PCDH15: variants seen among roughly 807,000 people sequenced by gnomAD.
The protein encoded by PCDH15 is protocadherin related 15.
Under a neutral mutation model 178.5 loss-of-function variants are expected in PCDH15, and 129 were observed. That is an observed-to-expected ratio of 0.72 (90% CI 0.63 to 0.84). The LOEUF (loss-of-function observed/expected upper bound fraction) is 0.84. Among genes scored for constraint, PCDH15 ranks in the 40% least tolerant of loss-of-function variants. The probability of loss-of-function intolerance (pLI) is 0.00; values close to 1 mark genes in which losing one functional copy is unlikely to be tolerated. For synonymous variants in PCDH15, 800 were observed against 732.0 expected (o/e 1.09, Z -1.50); for missense variants, 2,230 against 2,099.9 (o/e 1.06, Z -1.21).
intron 2 of PCDH15, among the ~76,000 whole-genome samples, chr10:54,598,450 A>T (rs1191898048): frequency 6.6e-6 from 1 of 152,180 alleles, no homozygotes; most frequent in Non-Finnish European, 1.5e-5. Flanking sequence ...CTCTTTACAA[A>T]TTAGGTATTG....
intron 15 of PCDH15, among the ~76,000 whole-genome samples, chr10:54,121,707 A>T (rs2095222416): frequency 6.6e-6 from 1 of 152,168 alleles, no homozygotes; most frequent in Non-Finnish European, 1.5e-5. Flanking sequence ...ATCTAGAGGA[A>T]ATGGAAAAAT....
intron 1 of PCDH15, among the ~76,000 whole-genome samples, chr10:54,688,094 A>C (rs1341948871): frequency 6.6e-6 from 1 of 152,164 alleles, no homozygotes; most frequent in Non-Finnish European, 1.5e-5. Flanking sequence ...ATTAAAAATT[A>C]TTAATTATAA....
At chr10:53,808,053 C>CATTT (rs1162918718) in intron 37 of PCDH15, 1 of 151,064 alleles carries the variant, frequency 6.6e-6, no homozygotes, top group African/African-American at 2.5e-5. Context: ...ATGCCTGTTA[C>CATTT]ATTTATTTTT....
intron 8 of PCDH15, among the ~76,000 whole-genome samples, chr10:54,242,687 A>G (rs1247799190): frequency 6.6e-6 from 1 of 152,180 alleles, no homozygotes; most frequent in Non-Finnish European, 1.5e-5. Context: ...TAATAGAAGC[A>G]TTGTTAAAAT....
At chr10:54,493,504 T>A (rs547360323) in intron 3 of PCDH15, among the ~76,000 whole-genome samples, 1 of 152,210 alleles carries the variant, frequency 6.6e-6, no homozygotes, top group South Asian at 2.1e-4. Flanking sequence ...GCTCTTTGAT[T>A]GTGAACTTTA....
At chr10:53,934,645 G>A (rs1331421812) in intron 25 of PCDH15, among the ~76,000 whole-genome samples, 2 of 151,770 alleles carry the variant, frequency 1.3e-5, no homozygotes, top group Non-Finnish European at 2.9e-5. Context: ...AATGAGACGT[G>A]TGACACATGA....
chr10:53,990,653 G>A (rs1468575466), intron 21 of PCDH15, among the ~76,000 whole-genome samples: 1 of 151,882 alleles, frequency 6.6e-6, no homozygotes, highest in African/African-American at 2.4e-5. Flanking sequence ...GTGACAACAT[G>A]CTGGTGGCCC....
intron 18 of PCDH15, among the ~76,000 whole-genome samples, chr10:54,027,516 C>T (rs1162600650): frequency 6.6e-6 from 1 of 150,880 alleles, no homozygotes; most frequent in Non-Finnish European, 1.5e-5. Flanking sequence ...AAGCTGGAGG[C>T]ATCACACTAC....
chr10:54,225,639 A>G (rs2053350199), intron 9 of PCDH15, among the ~76,000 whole-genome samples: 1 of 152,184 alleles, frequency 6.6e-6, no homozygotes, highest in Non-Finnish European at 1.5e-5. Context: ...ACAAAATTTT[A>G]TCTATTGTGT....
chr10:54,263,556 T>C (rs1204831606), intron 8 of PCDH15, among the ~76,000 whole-genome samples: 1 of 152,084 alleles, frequency 6.6e-6, no homozygotes, highest in Non-Finnish European at 1.5e-5. Context: ...AGATTGAAGT[T>C]TGAATTATAG....
chr10:55,286,932 CT>C (rs947545947), intron 1 of PCDH15, among the ~76,000 whole-genome samples: 1 of 151,898 alleles, frequency 6.6e-6, no homozygotes, highest in Non-Finnish European at 1.5e-5. Context: ...TTTCAATTTT[CT>C]TTTAAACTCT....
chr10:55,240,254 A>G (rs970464419), intron 1 of PCDH15, among the ~76,000 whole-genome samples: 3 of 152,176 alleles, frequency 2.0e-5, no homozygotes, highest in African/African-American at 7.2e-5. Context: ...TTTAGTCAAT[A>G]TTACAAATTT....
intron 1 of PCDH15, among the ~76,000 whole-genome samples, chr10:55,203,197 A>G (rs997809796): frequency 5.3e-5 from 8 of 151,998 alleles, no homozygotes; most frequent in African/African-American, 1.9e-4. Context: ...TTTCAAAGGG[A>G]TGAGTGTCAG....
At chr10:54,169,441 T>C (rs1254078770) in intron 13 of PCDH15, among the ~76,000 whole-genome samples, 1 of 137,554 alleles carries the variant, frequency 7.3e-6, no homozygotes, top group East Asian at 2.0e-4. Context: ...ACTCCCCAAC[T>C]CTGTTGCCAA....
chr10:55,542,236 T>C (rs1381169765), intron 2 of PCDH15, among the ~76,000 whole-genome samples: 1 of 151,382 alleles, frequency 6.6e-6, no homozygotes, highest in Admixed American at 6.6e-5. Context: ...GTGTACAGTA[T>C]ATGCCTGTAT....
chr10:55,556,816 GGGAGA>G (rs1240668197), intron 2 of PCDH15, among the ~76,000 whole-genome samples: 4 of 152,084 alleles, frequency 2.6e-5, no homozygotes, highest in Non-Finnish European at 5.9e-5. Flanking sequence ...ACTCTATCGT[GGGAGA>G]CTGTGTCTCA....
intron 1 of PCDH15, among the ~76,000 whole-genome samples, chr10:55,317,487 T>C (rs11004803): frequency 0.23 from 34,579 of 151,852 alleles, 4,916 homozygotes; most frequent in Admixed American, 0.33. Context: ...TGTTTTTTTT[T>C]TCTCTATTCT....
At chr10:53,958,795 C>T (rs946123456) in intron 23 of PCDH15, among the ~76,000 whole-genome samples, 15 of 151,646 alleles carry the variant, frequency 9.9e-5, no homozygotes, top group Admixed American at 3.3e-4. Flanking sequence ...CTGGCTAATG[C>T]AGTGAAACCC....
chr10:55,324,649 T>C (rs1179570149), intron 2 of PCDH15, among the ~76,000 whole-genome samples: 1 of 152,124 alleles, frequency 6.6e-6, no homozygotes, highest in Non-Finnish European at 1.5e-5. Context: ...AACACACCAC[T>C]GAGAGTATTA....
Sources: gnomAD v4.1 joint callset for allele counts (sites outside exome capture counted in the v4.1 genomes callset) on GRCh38, gnomAD v4.1.1 for gene constraint, MANE v1.5 for transcripts, NCBI Gene and HGNC (gene_info 2026-07-23, HGNC 2026-07-21) for gene names.